The following MTA3 variants were observed in gnomAD, a reference collection of about 807,000 sequenced individuals.
The protein encoded by MTA3 is metastasis associated 1 family member 3, also known as metastasis-associated protein MTA3.
In MTA3, 34 loss-of-function variants were observed where a neutral mutation model predicts 83.5. The ratio of observed to expected loss-of-function variants is 0.41; its 90% CI spans 0.31 to 0.54. The LOEUF (loss-of-function observed/expected upper bound fraction) is 0.54, where lower values mean the gene tolerates loss of function less well. MTA3 is among the 20% of genes least tolerant of loss of function. MTA3 has a pLI of 0.33. For synonymous variants in MTA3, 303 were observed against 252.7 expected (o/e 1.20, Z -1.89); for missense variants, 761 against 726.4 (o/e 1.05, Z -0.55).
At chr2:42,726,514 A>C (rs140342288) in intron 16 of MTA3, among the ~76,000 whole-genome samples, 23 of 151,156 alleles carry the variant, frequency 1.5e-4, no homozygotes, top group East Asian at 9.7e-4. Flanking sequence ...ACTCCCCCCA[A>C]CCCACAACAG....
intron 4 of MTA3, among the ~76,000 whole-genome samples, chr2:42,624,416 G>T (rs1236980576): frequency 2.0e-5 from 3 of 152,018 alleles, no homozygotes; most frequent in Non-Finnish European, 4.4e-5. Context: ...CCACCTCCTG[G>T]GTTCAAGCAG....
chr2:42,596,367 T>TA, intron 3 of MTA3, among the ~76,000 whole-genome samples: 1 of 152,374 alleles, frequency 6.6e-6, no homozygotes, highest in South Asian at 2.1e-4. Flanking sequence ...ATCTATTTTT[T>TA]ATCACAGCAT....
chr2:42,645,718 GAGA>G (rs1688118244), intron 6 of MTA3, among the ~76,000 whole-genome samples: 2 of 152,110 alleles, frequency 1.3e-5, no homozygotes, highest in Non-Finnish European at 2.9e-5. Context: ...GAGGAAGCTG[GAGA>G]AGAAGAATTT....
In MTA3 at chr2:42,755,594, C is replaced by T. The variant is rs1348418365; in HGVS notation, c.*2195C>T. Reference sequence around the variant, plus strand: ...CTGAGACTTCACGCTCTCCCTTTGTCTCTGGAAACTGCCCCCTCGTTCTGA... The same window carrying T: ...CTGAGACTTCACGCTCTCCCTTTGTTTCTGGAAACTGCCCCCTCGTTCTGA... On this transcript the variant is annotated 3_prime_UTR_variant, in exon 17 of 17. Transcript: ENST00000405094. The T allele has an allele frequency of 1.0e-6, 1 of 985,470 alleles. No homozygotes were observed. The highest frequency in any genetic ancestry group is 1.7e-5 in the African/African-American group (1 of 57,246). 61.0% of individuals were successfully genotyped at this position (985,470 alleles called of 1,614,324 possible).
chr2:42,609,394 G>C, intron 3 of MTA3, 64 bp from the exon 4 acceptor site: 1 of 1,499,174 alleles, frequency 6.7e-7, no homozygotes, highest in Non-Finnish European at 9.1e-7. Flanking sequence ...GATTTGATCT[G>C]TTTCAATATC....
Position 42,753,598 on chromosome 2 carries a change from A to G in MTA3, c.*199A>G. The stretch of plus-strand genomic sequence containing the variant: ...AATCCTGTGTCTCCACGTGTGGATC[A>G]GCAGCACCTCGCTTTCTTGTCAGAG... On this transcript the variant is annotated 3_prime_UTR_variant, in exon 17 of 17. Coordinates refer to ENST00000405094, the MANE Select transcript of MTA3 (RefSeq NM_001330442.2). 2.2e-6 allele frequency: 3 copies of G among 1,388,188 alleles called. No individual in the cohort carries two copies. The highest frequency in any genetic ancestry group is 2.8e-6 in the Non-Finnish European group (3 of 1,071,262). The allele number at this position is 1,388,188 out of a possible 1,614,324, so 86.0% of individuals were successfully genotyped here.
intron 14 of MTA3, among the ~76,000 whole-genome samples, chr2:42,712,184 G>T (rs1190251110): frequency 6.6e-6 from 1 of 152,128 alleles, no homozygotes; most frequent in African/African-American, 2.4e-5. Flanking sequence ...AAAGGTCTTT[G>T]CAGATTCATA....
In MTA3 at chr2:42,656,281, A is replaced by G; in HGVS notation, c.581A>G (p.Asp194Gly). Residue 194 changes from aspartate (D) to glycine (G), a missense_variant, in exon 7 of 17, where the codon GAC becomes GGC. Coordinates refer to ENST00000405094, the MANE Select transcript of MTA3 (RefSeq NM_001330442.2). The part of the protein sequence containing the change: ...PNSPLTDRQI[D>G]QFLVVARAVG... ...AGCCCACTTACGGATCGACAGATTG[A>G]CCAGTTTTTAGTTGTAGCACGGTGA... 7.4e-6 allele frequency: 12 copies of G among 1,613,522 alleles called. No individual in the cohort carries two copies. The highest frequency in any genetic ancestry group is 1.0e-5 in the Non-Finnish European group (12 of 1,179,546).
At chr2:42,689,026 A>G (rs563080028) in intron 9 of MTA3, among the ~76,000 whole-genome samples, 1 of 152,044 alleles carries the variant, frequency 6.6e-6, no homozygotes, top group African/African-American at 2.4e-5. Context: ...ATTTTTTGAG[A>G]GTTTTTAAAA....
chr2:42,718,429 A>G (rs964832239), intron 14 of MTA3, among the ~76,000 whole-genome samples: 1 of 151,152 alleles, frequency 6.6e-6, no homozygotes, highest in East Asian at 2.0e-4. Context: ...GTGTTTTAGT[A>G]GAGATGGGGT....
At chr2:42,663,153 A>T (rs1472740697) in intron 8 of MTA3, among the ~76,000 whole-genome samples, 2 of 152,188 alleles carry the variant, frequency 1.3e-5, no homozygotes, top group East Asian at 3.9e-4. Context: ...TATTCTTATG[A>T]GATACTGCTT....
At position 42,754,730 on chromosome 2, in the gene MTA3, C is replaced by A. The variant is rs977229895; in HGVS notation, c.*1331C>A. 8 of 985,472 alleles carry A rather than the reference C, an allele frequency of 8.1e-6. No homozygotes were observed. The highest frequency in any genetic ancestry group is 5.2e-4 in the Middle Eastern group (1 of 1,912). The allele number at this position is 985,472 out of a possible 1,614,324, so 61.0% of individuals were successfully genotyped here. On this transcript the variant is annotated 3_prime_UTR_variant, in exon 17 of 17. Coordinates refer to ENST00000405094, the MANE Select transcript of MTA3 (RefSeq NM_001330442.2). Reference sequence around the variant, plus strand: ...AGCTGGATGGCAGATACGAGAGGCCCAAATAGCCAAGCTGTTGCAAGACAG... The same window carrying A: ...AGCTGGATGGCAGATACGAGAGGCCAAAATAGCCAAGCTGTTGCAAGACAG...
At chr2:42,626,096 C>G (rs1290723029) in intron 4 of MTA3, among the ~76,000 whole-genome samples, 1 of 150,776 alleles carries the variant, frequency 6.6e-6, no homozygotes, top group Non-Finnish European at 1.5e-5. Flanking sequence ...GCGCCTGCCA[C>G]CACTCTCAGC....
chr2:42,626,908 T>C (rs545845531), intron 4 of MTA3, among the ~76,000 whole-genome samples: 1 of 151,810 alleles, frequency 6.6e-6, no homozygotes, highest in East Asian at 2.0e-4. Flanking sequence ...ACCCAGCTAA[T>C]TTTTGTATTT....
At position 42,594,244 on chromosome 2, in the gene MTA3, CTT is replaced by C. The variant is rs143512619; in HGVS notation, c.190+15064_190+15065del. 8.6e-3 allele frequency among the ~76,000 whole-genome samples: 992 copies of C among 114,932 alleles called. 6 individuals are homozygous for C. Among genetic ancestry groups the C allele is most frequent in the African/African-American group, 0.023 (690 of 29,908 alleles). The allele number at this position is 114,932 out of a possible 152,430, so 75.4% of individuals were successfully genotyped here. The stretch of plus-strand genomic sequence containing the variant: ...TAGGAGGGAGCCATGCGCCAGGCCC[CTT>C]TTTTTTTTTTTTTTTTTTTAAAAGA... On this transcript the variant is annotated intron_variant, in intron 3 of 16. Transcript: ENST00000405094.
intron 3 of MTA3, among the ~76,000 whole-genome samples, chr2:42,598,543 G>C (rs1476314284): frequency 6.6e-6 from 1 of 152,088 alleles, no homozygotes; most frequent in Non-Finnish European, 1.5e-5. Flanking sequence ...TTAGGTCTAA[G>C]GTCACCTAAC....
intron 14 of MTA3, 159 bp downstream of exon 14, chr2:42,709,255 T>A: frequency 7.0e-7 from 1 of 1,428,334 alleles, no homozygotes; most frequent in East Asian, 2.5e-5. Context: ...TTTTGTGTGC[T>A]GCCATTTGTA....
At chr2:42,548,814 T>TATATATATATATAATATATATATATATA (rs1309527557) in intron 2 of MTA3, among the ~76,000 whole-genome samples, 3 of 33,704 alleles carry the variant, frequency 8.9e-5, no homozygotes, top group Non-Finnish European at 1.5e-4. Flanking sequence ...AAAAAAAATA[T>TATATATATATATAATATATATATATATA]ATATATATAT....
At chr2:42,591,213 TG>T (rs1197850507) in intron 3 of MTA3, among the ~76,000 whole-genome samples, 2 of 152,222 alleles carry the variant, frequency 1.3e-5, no homozygotes, top group South Asian at 4.1e-4. Flanking sequence ...TGTATGCAGG[TG>T]TTACCCAATT....
Sources: allele counts gnomAD v4.1 joint callset (sites outside exome capture counted in the v4.1 genomes callset), GRCh38; gene constraint gnomAD v4.1.1; transcripts MANE v1.5; gene names NCBI Gene and HGNC (gene_info 2026-07-23, HGNC 2026-07-21).